The following ATP6V1H variants were observed in gnomAD, a reference collection of about 807,000 sequenced individuals.
ATP6V1H encodes ATPase H+ transporting V1 subunit H, also known as V-type proton ATPase subunit H.
A neutral mutation model predicts 71.7 loss-of-function variants in ATP6V1H; 39 were observed. The ratio of observed to expected loss-of-function variants is 0.54; its 90% CI spans 0.42 to 0.71. The LOEUF (loss-of-function observed/expected upper bound fraction) is 0.71. Ranked by LOEUF, ATP6V1H falls within the 30% of genes least tolerant of loss-of-function variation. ATP6V1H has a pLI of 0.00. For synonymous variants in ATP6V1H, 192 were observed against 199.3 expected, an observed-to-expected ratio of 0.96 and a Z score of 0.31; for missense variants, 509 against 594.9, an observed-to-expected ratio of 0.86 and a Z score of 1.50.
At chr8:53,745,700 C>A (rs552138901) in intron 12 of ATP6V1H, among the ~76,000 whole-genome samples, 4 of 150,932 alleles carry the variant, frequency 2.7e-5, no homozygotes, top group African/African-American at 7.3e-5. Flanking sequence ...AAAATCACCA[C>A]ACACACACAC....
chr8:53,798,181 A>T (rs886564093), intron 8 of ATP6V1H, among the ~76,000 whole-genome samples: 1 of 152,240 alleles, frequency 6.6e-6, no homozygotes, highest in African/African-American at 2.4e-5. Flanking sequence ...TTTAACAACA[A>T]TAAAAAAGTC....
intron 12 of ATP6V1H, among the ~76,000 whole-genome samples, chr8:53,744,041 T>A (rs1009856284): frequency 1.2e-4 from 19 of 152,166 alleles, no homozygotes; most frequent in African/African-American, 4.3e-4. Context: ...TTGTTTAATA[T>A]CAGTATTGAA....
chr8:53,715,895 CTT>C lies in ATP6V1H; in HGVS notation c.*67_*68del, dbSNP rs1806406702. 2 of 1,390,886 alleles carry C rather than the reference CTT, an allele frequency of 1.4e-6. No homozygotes were observed. The highest frequency in any genetic ancestry group is 2.1e-5 in the Admixed American group (1 of 48,386). 86.2% of individuals were successfully genotyped at this position (1,390,886 alleles called of 1,614,324 possible). ...CAAGTAAAATCAAACAGTGTTCACT[CTT>C]AACTCTAAACACAGTGCTCCCACTA... On this transcript the variant is annotated 3_prime_UTR_variant, in exon 14 of 14. Transcript: ENST00000359530.
At chr8:53,729,139 A>G (rs1347880399) in intron 13 of ATP6V1H, among the ~76,000 whole-genome samples, 1 of 152,178 alleles carries the variant, frequency 6.6e-6, no homozygotes, top group Non-Finnish European at 1.5e-5. Flanking sequence ...AAACCTCCCC[A>G]CAACAAACAT....
intron 7 of ATP6V1H, among the ~76,000 whole-genome samples, chr8:53,803,499 T>C (rs1809981577): frequency 6.6e-6 from 1 of 152,224 alleles, no homozygotes; most frequent in South Asian, 2.1e-4. Flanking sequence ...TACTAAACTT[T>C]GTTCCAATTT....
intron 9 of ATP6V1H, among the ~76,000 whole-genome samples, chr8:53,780,604 A>T (rs1809079788): frequency 6.6e-6 from 1 of 151,958 alleles, no homozygotes; most frequent in Non-Finnish European, 1.5e-5. Flanking sequence ...GGTGTGTTAC[A>T]TATGTAGCCA....
intron 13 of ATP6V1H, among the ~76,000 whole-genome samples, chr8:53,730,405 T>C (rs575676409): frequency 6.6e-5 from 10 of 152,372 alleles, no homozygotes; most frequent in African/African-American, 2.2e-4. Context: ...GATCTTCTAG[T>C]GGCTAACTTG....
chr8:53,779,131 T>C (rs111586051), intron 9 of ATP6V1H, among the ~76,000 whole-genome samples: 3 of 152,132 alleles, frequency 2.0e-5, no homozygotes, highest in African/African-American at 7.2e-5. Flanking sequence ...CAGCAATTGA[T>C]AGAACCACTA....
chr8:53,819,642 G>GTA (rs1328150624), intron 4 of ATP6V1H, among the ~76,000 whole-genome samples: 1 of 74,494 alleles, frequency 1.3e-5, no homozygotes, highest in Non-Finnish European at 2.2e-5. Flanking sequence ...ATATACAAAT[G>GTA]TATATATGTA....
intron 2 of ATP6V1H, among the ~76,000 whole-genome samples, chr8:53,838,208 C>T (rs1218224537): frequency 6.6e-6 from 1 of 152,066 alleles, no homozygotes; most frequent in African/African-American, 2.4e-5. Context: ...TCACTGCAAC[C>T]TCCACCTCCT....
At chr8:53,817,568 C>T in intron 4 of ATP6V1H, 38 bp from the exon 5 acceptor site, 1 of 1,266,516 alleles carries the variant, frequency 7.9e-7, no homozygotes, top group Non-Finnish European at 1.1e-6. Flanking sequence ...AGTCAGAACA[C>T]ATTTTGCTAA....
At chr8:53,795,913 T>G in intron 8 of ATP6V1H, 74 bp from the exon 9 acceptor site, 1 of 1,342,962 alleles carries the variant, frequency 7.4e-7, no homozygotes, top group Non-Finnish European at 1.0e-6. Flanking sequence ...TATTCTCTTT[T>G]TGCACTAATG....
At position 53,764,569 on chromosome 8, in the gene ATP6V1H, G is replaced by A. The variant is rs544781261; in HGVS notation, c.1175+5049C>T. 2.2e-3 allele frequency among the ~76,000 whole-genome samples: 336 copies of A among 152,060 alleles called. 2 individuals carry two copies. The highest frequency in any genetic ancestry group is 7.8e-3 in the African/African-American group (325 of 41,460). ...GTGCAAAAAAAAAAATCTATAGTTA[G>A]TATCATACTGAATAATGAGAAACTA... is the stretch of plus-strand genomic sequence containing the variant. On this transcript the variant is annotated intron_variant, in intron 11 of 13. Coordinates refer to ENST00000359530, the MANE Select transcript of ATP6V1H (RefSeq NM_015941.4).
chr8:53,765,196 G>T (rs1379782490), intron 11 of ATP6V1H, among the ~76,000 whole-genome samples: 1 of 152,130 alleles, frequency 6.6e-6, no homozygotes, highest in East Asian at 1.9e-4. Context: ...GAGGTCAGGA[G>T]TTAGAGACTG....
chr8:53,761,492 A>G (rs1397253930), intron 11 of ATP6V1H, among the ~76,000 whole-genome samples: 1 of 152,236 alleles, frequency 6.6e-6, no homozygotes, highest in South Asian at 2.1e-4. Flanking sequence ...AAGTCTCTTT[A>G]AGTGTATCAT....
chr8:53,751,723 ACAGTCG>A (rs1807805917), intron 12 of ATP6V1H, among the ~76,000 whole-genome samples: 1 of 151,180 alleles, frequency 6.6e-6, no homozygotes, highest in African/African-American at 2.4e-5. Flanking sequence ...AGATTAGAGT[ACAGTCG>A]CGCAGCCTAG....
intron 9 of ATP6V1H, among the ~76,000 whole-genome samples, chr8:53,782,866 C>G (rs1243199057): frequency 6.6e-6 from 1 of 151,904 alleles, no homozygotes; most frequent in African/African-American, 2.4e-5. Flanking sequence ...GTATGTTGAA[C>G]CAGCCTTGCA....
chr8:53,729,498 C>T (rs2130119948), intron 13 of ATP6V1H, among the ~76,000 whole-genome samples: 2 of 152,314 alleles, frequency 1.3e-5, no homozygotes, highest in Middle Eastern at 3.4e-3. Flanking sequence ...GCATGCCTCA[C>T]TTCCAAGGCA....
At chr8:53,842,178 C>T (rs1198590547) in intron 1 of ATP6V1H, among the ~76,000 whole-genome samples, 2 of 152,158 alleles carry the variant, frequency 1.3e-5, no homozygotes, top group Admixed American at 1.3e-4. Context: ...AATTCTAAGT[C>T]CTTTCGAAAA....
Sources: allele counts gnomAD v4.1 joint callset (sites outside exome capture counted in the v4.1 genomes callset), GRCh38; gene constraint gnomAD v4.1.1; transcripts MANE v1.5; gene names NCBI Gene and HGNC (gene_info 2026-07-23, HGNC 2026-07-21).